Variants in HDAC9 observed in about 807,000 individuals in gnomAD.
HDAC9 encodes MEF-2 interacting transcription repressor (MITR) protein.
A neutral mutation model predicts 139.4 loss-of-function variants in HDAC9; 41 were observed. That is an observed-to-expected ratio of 0.29 (90% CI 0.23 to 0.38). The LOEUF is 0.38. Among genes scored for constraint, HDAC9 ranks in the 10% least tolerant of loss-of-function variants. HDAC9 has a pLI of 1.00. For synonymous variants in HDAC9, 517 were observed against 476.2 expected, an observed-to-expected ratio of 1.09 and a Z score of -1.12; for missense variants, 1,147 against 1,297.0, an observed-to-expected ratio of 0.88 and a Z score of 1.78.
At chr7:18,230,796 A>G (rs1793405896) in intron 2 of HDAC9, among the ~76,000 whole-genome samples, 1 of 152,204 alleles carries the variant, frequency 6.6e-6, no homozygotes, top group Non-Finnish European at 1.5e-5. Flanking sequence ...TATCATCAAC[A>G]TTATTCACTG....
intron 23 of HDAC9, among the ~76,000 whole-genome samples, chr7:18,936,766 C>G (rs1216570990): frequency 6.6e-6 from 1 of 152,068 alleles, no homozygotes; most frequent in Non-Finnish European, 1.5e-5. Flanking sequence ...TAAACATATA[C>G]AAAATCTTTT....
chr7:18,926,013 A>G (rs962852105), intron 22 of HDAC9, among the ~76,000 whole-genome samples: 8 of 152,070 alleles, frequency 5.3e-5, no homozygotes, highest in Non-Finnish European at 1.0e-4. Flanking sequence ...ACTTGCAATT[A>G]TATCTAGATC....
At chr7:18,851,191 C>G (rs1237528531) in intron 21 of HDAC9, among the ~76,000 whole-genome samples, 1 of 152,182 alleles carries the variant, frequency 6.6e-6, no homozygotes, top group Admixed American at 6.6e-5. Context: ...ATTCGCTCTA[C>G]TTTCTTGGGT....
At chr7:18,629,715 A>G (rs1781759400) in intron 7 of HDAC9, among the ~76,000 whole-genome samples, 2 of 152,182 alleles carry the variant, frequency 1.3e-5, no homozygotes, top group African/African-American at 4.8e-5. Flanking sequence ...AGGCATAACT[A>G]GGGAACACCA....
chr7:18,685,687 A>G lies in HDAC9; in HGVS notation c.1731+19211A>G, dbSNP rs571604345. 1.2e-4 allele frequency among the ~76,000 whole-genome samples: 19 copies of G among 152,184 alleles called. No individual in the cohort carries two copies. The South Asian group carries it at 3.9e-3, about 32-fold the overall frequency. On this transcript the variant is annotated intron_variant, in intron 12 of 25. Coordinates refer to ENST00000686413, the MANE Select transcript of HDAC9 (RefSeq NM_178425.4). ...AATGCTGATTTACTATTTTTGAACT[A>G]GAATTGGCAAATAGATTTCCTCCTA...
chr7:18,481,827 G>C (rs1334636058), intron 1 of HDAC9, among the ~76,000 whole-genome samples: 5 of 152,152 alleles, frequency 3.3e-5, no homozygotes, highest in Non-Finnish European at 7.3e-5. Flanking sequence ...TACTTGCCTT[G>C]TGTAGTCTGA....
At chr7:18,619,557 G>T (rs1839645781) in intron 6 of HDAC9, among the ~76,000 whole-genome samples, 1 of 152,112 alleles carries the variant, frequency 6.6e-6, no homozygotes, top group Admixed American at 6.6e-5. Flanking sequence ...ACTTGACTAT[G>T]AAAGTGCAAT....
chr7:18,704,403 G>A (rs1330194166), intron 12 of HDAC9, among the ~76,000 whole-genome samples: 2 of 152,274 alleles, frequency 1.3e-5, no homozygotes, highest in South Asian at 2.1e-4. Flanking sequence ...TCTGTGTACT[G>A]CAGAAAACTC....
At chr7:18,623,945 G>C (rs539773729) in intron 6 of HDAC9, among the ~76,000 whole-genome samples, 58 of 152,056 alleles carry the variant, frequency 3.8e-4, no homozygotes, top group African/African-American at 1.1e-3. Flanking sequence ...TTGCAGGGGG[G>C]GTAAAAAAAG....
intron 21 of HDAC9, among the ~76,000 whole-genome samples, chr7:18,844,865 C>T (rs1347168979): frequency 6.6e-6 from 1 of 152,104 alleles, no homozygotes; most frequent in Non-Finnish European, 1.5e-5. Context: ...ACCCATGTTG[C>T]CTCCCCTGTA....
intron 1 of HDAC9, among the ~76,000 whole-genome samples, chr7:18,102,254 T>G (rs1782900539): frequency 6.6e-6 from 1 of 152,204 alleles, no homozygotes; most frequent in South Asian, 2.1e-4. Flanking sequence ...CTTGAGGTGG[T>G]ATAGTTCCAT....
intron 1 of HDAC9, among the ~76,000 whole-genome samples, chr7:18,118,373 A>G (rs759458965): frequency 8.7e-4 from 132 of 152,318 alleles, no homozygotes; most frequent in Non-Finnish European, 1.5e-3. Context: ...GCCATTGGAA[A>G]GGAATGTTAC....
At chr7:18,096,350 G>A (rs1782498597) in intron 1 of HDAC9, among the ~76,000 whole-genome samples, 1 of 151,862 alleles carries the variant, frequency 6.6e-6, no homozygotes, top group African/African-American at 2.4e-5. Flanking sequence ...CTATTCTTTG[G>A]TCTCCACTTA....
chr7:18,437,557 A>G (rs1452996193), intron 1 of HDAC9, among the ~76,000 whole-genome samples: 22 of 149,806 alleles, frequency 1.5e-4, no homozygotes, highest in South Asian at 2.1e-4. Context: ...TGGAAATTAT[A>G]TATATATAAT....
At chr7:18,546,523 A>T (rs1223702061) in intron 2 of HDAC9, among the ~76,000 whole-genome samples, 1 of 152,082 alleles carries the variant, frequency 6.6e-6, no homozygotes, top group East Asian at 1.9e-4. Flanking sequence ...TTTCAACCTG[A>T]CCTATCCTGA....
At chr7:18,207,505 C>A in intron 2 of HDAC9, among the ~76,000 whole-genome samples, 1 of 143,348 alleles carries the variant, frequency 7.0e-6, no homozygotes, top group African/African-American at 2.6e-5. Context: ...CTCCTGGGCT[C>A]AAGCTGTCCT....
At chr7:18,323,554 A>G (rs1800196332) in intron 1 of HDAC9, among the ~76,000 whole-genome samples, 1 of 152,106 alleles carries the variant, frequency 6.6e-6, no homozygotes. Flanking sequence ...GCTGATGTCT[A>G]GGCTTTAACA....
intron 10 of HDAC9, 34 bp from the exon 11 acceptor site, chr7:18,648,432 G>GTGTGTC: frequency 7.2e-7 from 1 of 1,380,808 alleles, no homozygotes; most frequent in Non-Finnish European, 1.0e-6. Flanking sequence ...GTGTGTGTGT[G>GTGTGTC]TATACACACA....
chr7:18,180,186 T>C (rs959147376), intron 2 of HDAC9, among the ~76,000 whole-genome samples: 1 of 151,502 alleles, frequency 6.6e-6, no homozygotes. Context: ...ACACTGTTTG[T>C]CATGCCAGCA....
Sources: gnomAD v4.1 joint callset for allele counts (sites outside exome capture counted in the v4.1 genomes callset) on GRCh38, gnomAD v4.1.1 for gene constraint, MANE v1.5 for transcripts, NCBI Gene and HGNC (gene_info 2026-07-23, HGNC 2026-07-21) for gene names.